Variants in PACS1 observed in about 807,000 individuals in gnomAD.
PACS1 encodes PACS-1.
A neutral mutation model predicts 115.0 loss-of-function variants in PACS1; 24 were observed. That is an observed-to-expected ratio of 0.21 (90% confidence interval 0.15 to 0.29). The LOEUF is 0.29. Among genes scored for constraint, PACS1 ranks in the 10% least tolerant of loss-of-function variants. PACS1 has a pLI of 1.00. For synonymous variants in PACS1, 453 were observed against 504.5 expected (o/e 0.90, Z 1.37); for missense variants, 838 against 1,251.2 (o/e 0.67, Z 4.98).
intron 5 of PACS1, 62 bp downstream of exon 5, chr11:66,216,325 C>T: frequency 2.5e-6 from 4 of 1,589,006 alleles, no homozygotes; most frequent in Admixed American, 3.4e-5. Context: ...GAAAGGTGAA[C>T]AAGACAGTGC....
rs370048891 is a variant in PACS1, at chr11:66,216,094, C to T, written c.661-25C>T. 7.7e-5 allele frequency: 125 copies of T among 1,613,008 alleles called. No homozygotes were observed. In the African/African-American group the frequency reaches 1.3e-3, roughly 17 times the overall value. ...TCCAGGTGCCTCTGTAGTAACACGC[C>T]TCCACCACCTCCCCTGGCTCCTAGG... is the stretch of plus-strand genomic sequence containing the variant. On this transcript the variant is annotated intron_variant, in intron 4 of 23. Transcript: ENST00000320580.
chr11:66,223,114 C>T (rs1242152314), intron 10 of PACS1, among the ~76,000 whole-genome samples: 1 of 148,908 alleles, frequency 6.7e-6, no homozygotes, highest in Non-Finnish European at 1.5e-5. Context: ...TTATTGGAGT[C>T]GGAGTTTTGC....
rs398045238 is a variant in PACS1, at chr11:66,236,765, A to AT, written c.2250+837dup. On this transcript the variant is annotated intron_variant, in intron 19 of 23. Transcript: ENST00000320580. This position sits in a 1 kb window ranked among gnomAD's most constrained non-coding sequence, Gnocchi z 4.2. ...AAACCAGCTTCTATCTTTTTTTATTATTTTTTTTTTTTATGAGATGGAGTC... is the reference window on the plus strand; with the variant it reads ...AAACCAGCTTCTATCTTTTTTTATTATTTTTTTTTTTTTATGAGATGGAGTC... Among the ~76,000 whole-genome samples the AT allele has an allele frequency of 3.8e-3, 552 of 147,000 alleles. 1 individual carries two copies. Among genetic ancestry groups the AT allele is most frequent in the African/African-American group, 7.7e-3 (309 of 40,266 alleles).
intron 1 of PACS1, among the ~76,000 whole-genome samples, chr11:66,145,010 A>G (rs1414735061): frequency 6.6e-6 from 1 of 152,204 alleles, no homozygotes; most frequent in Non-Finnish European, 1.5e-5. Context: ...ATACGTTTGA[A>G]GATGAAAGAG....
At position 66,216,259 on chromosome 11, in the gene PACS1, T is replaced by C. The variant is rs373023830; in HGVS notation, c.801T>C (p.Leu267=). Residue 267 remains leucine (L), a synonymous_variant, in exon 5 of 24, where the codon CTT becomes CTC. Transcript: ENST00000320580. ...ACCATGAAGGAATCAAATCCAAGCT[T>C]TCTGGTAAGAAGCATGCAGCATCTG... ...PIDHEGIKSK[L]SDRSPDIDNY... The C allele has an allele frequency of 3.7e-6, 6 of 1,613,876 alleles. No individual in the cohort carries two copies. The African/African-American group carries it at 6.7e-5, about 18-fold the overall frequency.
rs771666017 is a variant in PACS1 at position 66,239,187 on chromosome 11, C to T, written c.2339C>T (p.Thr780Ile). The T allele has an allele frequency of 1.2e-6, 2 of 1,614,188 alleles. No homozygotes were observed. Among genetic ancestry groups the T allele is most frequent in the Admixed American group, 3.3e-5 (2 of 60,030 alleles). The part of the protein sequence containing the change: ...SPVVSLTVPS[T>I]SPPSSSGLSR... The stretch of plus-strand genomic sequence containing the variant: ...GTGGTCAGCCTTACTGTGCCCTCCA[C>T]ATCACCACCCTCCAGCTCGGGCCTG... The change falls in exon 21 of 24, where the codon ACA becomes ATA. Residue 780 changes from threonine to isoleucine, a missense_variant. Thr to Ile is a moderately conservative substitution (Grantham distance 89, BLOSUM62 -1). Coordinates refer to ENST00000320580, the MANE Select transcript of PACS1 (RefSeq NM_018026.4).
At chr11:66,196,534 C>A (rs1478924455) in intron 2 of PACS1, among the ~76,000 whole-genome samples, 2 of 152,120 alleles carry the variant, frequency 1.3e-5, no homozygotes, top group Non-Finnish European at 2.9e-5. Context: ...GAAGGTGTTT[C>A]CTTAAAATTG....
At chr11:66,210,271 A>G in intron 2 of PACS1, 91 bp from the exon 3 acceptor site, 2 of 929,708 alleles carry the variant, frequency 2.2e-6, no homozygotes, top group South Asian at 1.3e-5. Context: ...CCTGAGTCCA[A>G]GCAGTCCTTC....
At chr11:66,159,951 G>A (rs1859449447) in intron 1 of PACS1, among the ~76,000 whole-genome samples, 1 of 152,192 alleles carries the variant, frequency 6.6e-6, no homozygotes, top group Non-Finnish European at 1.5e-5. Flanking sequence ...CTGTTAGGAT[G>A]ATAACACTTG....
At chr11:66,157,372 T>A (rs1023431111) in intron 1 of PACS1, among the ~76,000 whole-genome samples, 2 of 152,098 alleles carry the variant, frequency 1.3e-5, no homozygotes, top group Middle Eastern at 3.2e-3. Flanking sequence ...TCTGCTCCAC[T>A]AAGTATTTGC....
chr11:66,199,703 C>T (rs1422528753), intron 2 of PACS1, among the ~76,000 whole-genome samples: 1 of 152,024 alleles, frequency 6.6e-6, no homozygotes, highest in Non-Finnish European at 1.5e-5. Flanking sequence ...AATCAAAAGA[C>T]GTGGAGTAGT....
At chr11:66,237,909 C>T (rs888997115) in intron 19 of PACS1, among the ~76,000 whole-genome samples, 11 of 152,166 alleles carry the variant, frequency 7.2e-5, no homozygotes, top group African/African-American at 9.7e-5. Flanking sequence ...CTTGCTGTCG[C>T]GGCAGCCTCC....
intron 1 of PACS1, among the ~76,000 whole-genome samples, chr11:66,191,208 T>C (rs1244542527): frequency 6.6e-6 from 1 of 152,136 alleles, no homozygotes; most frequent in Non-Finnish European, 1.5e-5. Context: ...TTCAAGGCCA[T>C]CAGCCATATC....
Position 66,113,302 on chromosome 11 carries a change from T to TA in PACS1, c.356+42461dup, listed in dbSNP as rs1200939574. 2.6e-5 allele frequency among the ~76,000 whole-genome samples: 4 copies of TA among 152,364 alleles called. No individual in the cohort carries two copies. In the East Asian group the frequency reaches 7.7e-4, roughly 29 times the overall value. The stretch of plus-strand genomic sequence containing the variant: ...CTTTTCTTTTAATTTCCAGTTCTCC[T>TA]AGCTACCTGCTGACTCATCCCAGAC... On this transcript the variant is annotated intron_variant, in intron 1 of 23. Transcript: ENST00000320580.
At chr11:66,132,332 C>T (rs552690832) in intron 1 of PACS1, among the ~76,000 whole-genome samples, 1 of 152,256 alleles carries the variant, frequency 6.6e-6, no homozygotes, top group South Asian at 2.1e-4. Context: ...TTCCTGAGGC[C>T]TCCCCTACCT....
intron 4 of PACS1, among the ~76,000 whole-genome samples, chr11:66,215,756 T>C (rs1035269225): frequency 6.6e-6 from 1 of 151,224 alleles, no homozygotes; most frequent in Non-Finnish European, 1.5e-5. Flanking sequence ...AAATATTAGC[T>C]GAGCGTGGTG....
chr11:66,241,441 C>A lies in PACS1; in HGVS notation c.2444C>A (p.Pro815Gln). The change falls in exon 22 of 24, where the codon CCA (proline) becomes CAA (glutamine). Residue 815 changes from proline to glutamine, a missense_variant. Coordinates refer to ENST00000320580, the MANE Select transcript of PACS1 (RefSeq NM_018026.4). ...CCTTTCCTCAGGAGCCCTAATAGCC[C>A]ATATGGGGACGTGATTGGCCTCCAG... ...ALAIVGSPNS[P>Q]YGDVIGLQVD... is the part of the protein sequence containing the mutation. 6.3e-7 allele frequency: 1 copy of A among 1,598,196 alleles called. No homozygotes were observed. The highest frequency in any genetic ancestry group is 2.3e-5 in the East Asian group (1 of 44,408).
At chr11:66,111,127 T>C (rs575058372) in intron 1 of PACS1, among the ~76,000 whole-genome samples, 2 of 152,374 alleles carry the variant, frequency 1.3e-5, no homozygotes, top group Non-Finnish European at 1.5e-5. Flanking sequence ...TGGTATGGCC[T>C]GTTGCTCCTA....
At position 66,235,162 on chromosome 11, in the gene PACS1, C is replaced by G. The variant is rs1027317154; in HGVS notation, c.2105-139C>G. Reference sequence around the variant, plus strand: ...CCTTGGGCTCATGATTCCTTCAAACCAGAAGGACCGTAGAGCCCCATCCTT... The same window carrying G: ...CCTTGGGCTCATGATTCCTTCAAACGAGAAGGACCGTAGAGCCCCATCCTT... On this transcript the variant is annotated intron_variant, in intron 17 of 23. Coordinates refer to ENST00000320580, the MANE Select transcript of PACS1 (RefSeq NM_018026.4). The surrounding 1 kb of genome is among the most constrained non-coding windows in gnomAD (Gnocchi z 5.6). 4 of 624,396 alleles carry G rather than the reference C, an allele frequency of 6.4e-6. No individual in the cohort carries two copies. The highest frequency in any genetic ancestry group is 1.2e-5 in the Non-Finnish European group (4 of 345,290). The allele number at this position is 624,396 out of a possible 1,614,324, so 38.7% of individuals were successfully genotyped here. A position where few individuals can be genotyped will look rare whatever the true frequency, so the allele number is the denominator to read the frequency against.
Sources: gnomAD v4.1 joint callset for allele counts (sites outside exome capture counted in the v4.1 genomes callset) on GRCh38, gnomAD v4.1.1 for gene constraint, Gnocchi (gnomAD v3.1) non-coding constraint, MANE v1.5 for transcripts, NCBI Gene and HGNC (gene_info 2026-07-23, HGNC 2026-07-21) for gene names.